SRGAP1: variants seen among roughly 807,000 people sequenced by gnomAD.
The protein encoded by SRGAP1 is SLIT-ROBO Rho GTPase-activating protein 1.
A neutral mutation model predicts 121.9 loss-of-function variants in SRGAP1; 43 were observed. That is an observed-to-expected ratio of 0.35 (90% CI 0.28 to 0.46). The LOEUF (loss-of-function observed/expected upper bound fraction) is 0.46, where lower values mean the gene tolerates loss of function less well. SRGAP1 is among the 20% of genes least tolerant of loss of function. The probability of loss-of-function intolerance (pLI) is 1.00; values close to 1 mark genes in which losing one functional copy is unlikely to be tolerated. For missense variants in SRGAP1, 1,102 were observed against 1,350.9 expected (o/e 0.82, Z 2.89); for synonymous variants, 447 against 485.4 (o/e 0.92, Z 1.04).
intron 21 of SRGAP1, among the ~76,000 whole-genome samples, chr12:64,137,961 A>AATT (rs1555177365): frequency 3.6e-5 from 5 of 139,684 alleles, no homozygotes; most frequent in Non-Finnish European, 7.6e-5. Flanking sequence ...TTAAAAAAAA[A>AATT]ATATATATAT....
chr12:64,042,709 T>C, intron 4 of SRGAP1, 81 bp from the exon 5 acceptor site: 2 of 1,116,818 alleles, frequency 1.8e-6, no homozygotes. Flanking sequence ...ATGTGTATCA[T>C]ATACGTCGTA....
chr12:64,096,699 C>T (rs1022978514), intron 14 of SRGAP1, among the ~76,000 whole-genome samples: 1 of 152,214 alleles, frequency 6.6e-6, no homozygotes, highest in Admixed American at 6.5e-5. Context: ...TAGAGTCTGC[C>T]TCTGCTCAAG....
intron 6 of SRGAP1, among the ~76,000 whole-genome samples, chr12:64,061,912 A>G (rs73319369): frequency 0.014 from 2,153 of 152,266 alleles, 51 homozygotes; most frequent in African/African-American, 0.049. Flanking sequence ...ATATGGCTAT[A>G]CCATATTTTA....
chr12:64,075,919 C>CAA (rs752705333), intron 8 of SRGAP1, among the ~76,000 whole-genome samples: 89 of 127,002 alleles, frequency 7.0e-4, no homozygotes, highest in African/African-American at 2.4e-3. Context: ...TTATTTTGTT[C>CAA]AAAAAAAAAA....
intron 1 of SRGAP1, among the ~76,000 whole-genome samples, chr12:63,876,612 A>G (rs1227875334): frequency 6.6e-6 from 1 of 152,214 alleles, no homozygotes; most frequent in East Asian, 1.9e-4. Flanking sequence ...ACCATTTAAC[A>G]TTAGTCTATA....
intron 1 of SRGAP1, among the ~76,000 whole-genome samples, chr12:63,956,178 A>G (rs370536009): frequency 1.3e-5 from 2 of 152,050 alleles, no homozygotes; most frequent in East Asian, 3.9e-4. Flanking sequence ...CTAATTTTGT[A>G]CTTTTCTGTG....
At position 63,953,747 on chromosome 12, in the gene SRGAP1, T is replaced by C. The variant is rs954315858; in HGVS notation, c.68-30200T>C. On this transcript the variant is annotated intron_variant, in intron 1 of 21. Coordinates refer to ENST00000355086, the MANE Select transcript of SRGAP1 (RefSeq NM_020762.4). ...TCTGGAAGAGTATGAAGTATAAGGTTAAAGGAAACCATTCCTTCCAGACTT... is the reference window on the plus strand; with the variant it reads ...TCTGGAAGAGTATGAAGTATAAGGTCAAAGGAAACCATTCCTTCCAGACTT... Among the ~76,000 whole-genome samples the C allele has an allele frequency of 2.0e-5, 3 of 152,198 alleles. No homozygotes were observed. In the East Asian group the frequency reaches 5.8e-4, roughly 29 times the overall value.
At chr12:64,033,994 A>T (rs1360892095) in intron 4 of SRGAP1, among the ~76,000 whole-genome samples, 1 of 152,074 alleles carries the variant, frequency 6.6e-6, no homozygotes, top group African/African-American at 2.4e-5. Context: ...ACACCACTAC[A>T]CTCCAGCCTG....
At chr12:64,137,648 A>G (rs546008471) in intron 21 of SRGAP1, among the ~76,000 whole-genome samples, 10 of 152,334 alleles carry the variant, frequency 6.6e-5, no homozygotes, top group African/African-American at 2.4e-4. Flanking sequence ...CAGTGATTTA[A>G]TATCAGGATC....
intron 2 of SRGAP1, among the ~76,000 whole-genome samples, chr12:63,988,211 G>C (rs1025495632): frequency 6.6e-6 from 1 of 152,156 alleles, no homozygotes; most frequent in African/African-American, 2.4e-5. Flanking sequence ...AATGTTTACT[G>C]TGGGGCAAGG....
chr12:64,078,778 C>T (rs1484852718), intron 8 of SRGAP1, 141 bp from the exon 9 acceptor site: 12 of 759,408 alleles, frequency 1.6e-5, no homozygotes, highest in Non-Finnish European at 2.5e-5. Context: ...GTGTTTTTTA[C>T]CTTTGTTTCT....
At chr12:64,121,504 C>T (rs1002097067) in intron 18 of SRGAP1, among the ~76,000 whole-genome samples, 7 of 152,160 alleles carry the variant, frequency 4.6e-5, no homozygotes, top group Non-Finnish European at 8.8e-5. Context: ...GTCCTCCTGC[C>T]TCAGCCTCCC....
intron 1 of SRGAP1, among the ~76,000 whole-genome samples, chr12:63,923,411 T>C (rs1465542107): frequency 6.6e-6 from 1 of 152,232 alleles, no homozygotes; most frequent in African/African-American, 2.4e-5. Context: ...TTTGGCACTT[T>C]TTAATTTAAG....
intron 1 of SRGAP1, among the ~76,000 whole-genome samples, chr12:63,873,884 C>T (rs1899941303): frequency 6.6e-6 from 1 of 151,662 alleles, no homozygotes; most frequent in Non-Finnish European, 1.5e-5. Context: ...AAAAATTAGC[C>T]AGGCATGGTG....
chr12:63,926,211 C>G (rs1017027498), intron 1 of SRGAP1, among the ~76,000 whole-genome samples: 2 of 152,086 alleles, frequency 1.3e-5, no homozygotes, highest in Non-Finnish European at 2.9e-5. Context: ...CCAAAATTAC[C>G]CTTCTAATTT....
chr12:64,093,493 A>G (rs2036093701), intron 12 of SRGAP1, among the ~76,000 whole-genome samples: 1 of 152,150 alleles, frequency 6.6e-6, no homozygotes, highest in Non-Finnish European at 1.5e-5. Context: ...AGAGATGTAA[A>G]CTAATGATCT....
intron 21 of SRGAP1, among the ~76,000 whole-genome samples, chr12:64,139,991 A>G (rs1452656314): frequency 2.6e-5 from 4 of 151,442 alleles, no homozygotes; most frequent in Non-Finnish European, 5.9e-5. Context: ...CCATTTATTA[A>G]ATAGGGAATC....
intron 1 of SRGAP1, among the ~76,000 whole-genome samples, chr12:63,911,524 G>A (rs1250901675): frequency 6.6e-6 from 1 of 152,146 alleles, no homozygotes; most frequent in Non-Finnish European, 1.5e-5. Context: ...GACTTCGCTA[G>A]ATTTGGCTAC....
intron 18 of SRGAP1, chr12:64,120,622 A>G: frequency 6.6e-6 from 1 of 152,272 alleles, no homozygotes; most frequent in Non-Finnish European, 1.5e-5. Flanking sequence ...AAGTTCTAGA[A>G]CACTAGAGTG....
Sources: gnomAD v4.1 joint callset for allele counts (sites outside exome capture counted in the v4.1 genomes callset) on GRCh38, gnomAD v4.1.1 for gene constraint, MANE v1.5 for transcripts, NCBI Gene and HGNC (gene_info 2026-07-23, HGNC 2026-07-21) for gene names.